Variants in RNF2 observed in about 807,000 individuals in gnomAD.
RNF2 encodes the protein ring finger protein 2, also known as E3 ubiquitin-protein ligase RING2.
RNF2 carries 6 observed loss-of-function variants against 37.2 expected under a neutral mutation model. That is an observed-to-expected ratio of 0.16 (90% confidence interval 0.09 to 0.32). RNF2 has a LOEUF of 0.32. Ranked by LOEUF, RNF2 falls within the 10% of genes least tolerant of loss-of-function variation. The pLI is 1.00. For synonymous variants in RNF2, 133 were observed against 132.7 expected (o/e 1.00, Z -0.02); for missense variants, 251 against 404.0 (o/e 0.62, Z 3.25).
intron 1 of RNF2, among the ~76,000 whole-genome samples, chr1:185,066,336 C>T (rs555292303): frequency 7.7e-4 from 117 of 152,294 alleles, no homozygotes; most frequent in South Asian, 1.7e-3. Flanking sequence ...TAGTGAACTA[C>T]TTGGAGTTTC....
At chr1:185,058,595 G>A (rs527338452) in intron 1 of RNF2, among the ~76,000 whole-genome samples, 9 of 152,262 alleles carry the variant, frequency 5.9e-5, no homozygotes, top group African/African-American at 1.9e-4. Context: ...TTTATTGTTC[G>A]GTAATGTGGA....
chr1:185,054,206 G>A (rs1371963063), intron 1 of RNF2, among the ~76,000 whole-genome samples: 1 of 152,160 alleles, frequency 6.6e-6, no homozygotes, highest in African/African-American at 2.4e-5. Flanking sequence ...GGCACGCAAC[G>A]GGTTTCAATA....
At chr1:185,064,150 G>T (rs1007572063) in intron 1 of RNF2, among the ~76,000 whole-genome samples, 4 of 152,068 alleles carry the variant, frequency 2.6e-5, no homozygotes, top group Non-Finnish European at 1.5e-5. Flanking sequence ...ATTTCAATCT[G>T]TCTTAAATTT....
chr1:185,095,806 A>G (rs1651894913), intron 4 of RNF2, among the ~76,000 whole-genome samples: 1 of 149,576 alleles, frequency 6.7e-6, no homozygotes, highest in South Asian at 2.1e-4. Context: ...CTGTGTTTAC[A>G]AATATTTTTA....
At chr1:185,075,805 T>C (rs1301379983) in intron 1 of RNF2, among the ~76,000 whole-genome samples, 1 of 152,246 alleles carries the variant, frequency 6.6e-6, no homozygotes, top group Admixed American at 6.5e-5. Context: ...CACTGGGGAT[T>C]ATAATTCCAC....
At chr1:185,085,377 C>T (rs1048904003) in intron 1 of RNF2, among the ~76,000 whole-genome samples, 8 of 151,930 alleles carry the variant, frequency 5.3e-5, no homozygotes, top group Admixed American at 1.3e-4. Context: ...ACTTCATGAT[C>T]CGCCTGCCTC....
At chr1:185,082,345 C>CTTTTTTTTTTTTTTTTGTTTT (rs1651444746) in intron 1 of RNF2, among the ~76,000 whole-genome samples, 1 of 72,000 alleles carries the variant, frequency 1.4e-5, no homozygotes. Flanking sequence ...CTCTGCAGAA[C>CTTTTTTTTTTTTTTTTGTTTT]TTTTTTTTTT....
intron 1 of RNF2, among the ~76,000 whole-genome samples, chr1:185,068,445 G>A (rs551681660): frequency 3.3e-5 from 5 of 152,336 alleles, no homozygotes; most frequent in African/African-American, 1.2e-4. Context: ...GTTACCACAT[G>A]TAACTTTATA....
chr1:185,091,681 A>G lies in RNF2; in HGVS notation c.190A>G (p.Thr64Ala). 1.9e-6 allele frequency: 3 copies of G among 1,614,240 alleles called. No individual in the cohort carries two copies. The highest frequency in any genetic ancestry group is 1.7e-6 in the Non-Finnish European group (2 of 1,180,024). ...GGATATGTTGAAGAACACCATGACT[A>G]CAAAGGAGTGTTTACATCGTTTTTG... Reference protein sequence around the residue: ...CLDMLKNTMTTKECLHRFCAD... With the variant: ...CLDMLKNTMTAKECLHRFCAD... Residue 64 changes from threonine to alanine, a missense_variant, in exon 3 of 7, where the codon ACA (threonine) becomes GCA (alanine). This residue lies in a region of RNF2 where 43 missense variants were observed against 82.7 expected (regional missense o/e 0.52). Transcript: ENST00000367510.
intron 1 of RNF2, among the ~76,000 whole-genome samples, chr1:185,061,035 T>C (rs1329967180): frequency 6.6e-6 from 1 of 152,020 alleles, no homozygotes; most frequent in Non-Finnish European, 1.5e-5. Flanking sequence ...GAGGATCGCT[T>C]GAGCCTAGGA....
chr1:185,095,359 C>T (rs1651882286), intron 4 of RNF2, among the ~76,000 whole-genome samples: 1 of 152,182 alleles, frequency 6.6e-6, no homozygotes, highest in African/African-American at 2.4e-5. Context: ...ATGCTTCTGC[C>T]TCAGAGCCTT....
At chr1:185,057,172 G>A (rs999931657) in intron 1 of RNF2, among the ~76,000 whole-genome samples, 119 of 152,202 alleles carry the variant, frequency 7.8e-4, no homozygotes, top group African/African-American at 2.8e-3. Flanking sequence ...TTAGCTGGGT[G>A]TGGTGGTGCA....
intron 2 of RNF2, 82 bp from the exon 3 acceptor site, chr1:185,091,497 C>G: frequency 1.5e-6 from 2 of 1,376,456 alleles, no homozygotes; most frequent in Non-Finnish European, 2.0e-6. Context: ...TTGTTTTTAC[C>G]ATTTCCAGTA....
chr1:185,067,854 G>A (rs1015735936), intron 1 of RNF2, among the ~76,000 whole-genome samples: 1 of 148,718 alleles, frequency 6.7e-6, no homozygotes, highest in Admixed American at 6.8e-5. Context: ...GGGACTACAG[G>A]CGCCTGCCAC....
chr1:185,082,061 A>G lies in RNF2; in HGVS notation c.-2-5491A>G, dbSNP rs543198011. ...CACTTTCGTGGCAAGTTGCAATCCAATGGTTCATTGTTGTTGCATAGAATA... is the reference window on the plus strand; with the variant it reads ...CACTTTCGTGGCAAGTTGCAATCCAGTGGTTCATTGTTGTTGCATAGAATA... On this transcript the variant is annotated intron_variant, in intron 1 of 6. Coordinates refer to ENST00000367510, the MANE Select transcript of RNF2 (RefSeq NM_007212.4). Among the ~76,000 whole-genome samples the G allele has an allele frequency of 4.6e-5, 7 of 152,264 alleles. No homozygotes were observed. In the East Asian group the frequency reaches 9.6e-4, roughly 21 times the overall value.
chr1:185,058,261 A>G (rs1250539637), intron 1 of RNF2, among the ~76,000 whole-genome samples: 2 of 152,206 alleles, frequency 1.3e-5, no homozygotes, highest in Non-Finnish European at 2.9e-5. Context: ...TTATGCAAAT[A>G]TTACCCCATT....
chr1:185,062,788 G>A (rs1181189799), intron 1 of RNF2, among the ~76,000 whole-genome samples: 1 of 151,216 alleles, frequency 6.6e-6, no homozygotes, highest in Non-Finnish European at 1.5e-5. Context: ...TGACAGAAAT[G>A]GATATAAATA....
intron 1 of RNF2, among the ~76,000 whole-genome samples, chr1:185,065,501 A>G (rs907637072): frequency 2.0e-5 from 3 of 152,114 alleles, no homozygotes; most frequent in Non-Finnish European, 4.4e-5. Context: ...AACACTCACC[A>G]TCAGGGTCTG....
At chr1:185,087,938 G>A (rs1651651356) in intron 2 of RNF2, among the ~76,000 whole-genome samples, 1 of 152,178 alleles carries the variant, frequency 6.6e-6, no homozygotes, top group Non-Finnish European at 1.5e-5. Context: ...GTGAGAAGTT[G>A]TAGAAAGTTG....
Sources: allele counts gnomAD v4.1 joint callset (sites outside exome capture counted in the v4.1 genomes callset), GRCh38; gene constraint gnomAD v4.1.1; regional missense constraint gnomAD v4.1.1; transcripts MANE v1.5; gene names NCBI Gene and HGNC (gene_info 2026-07-23, HGNC 2026-07-21).